NRXN3: variants seen among roughly 807,000 people sequenced by gnomAD.
NRXN3 encodes the protein neurexin 3, also known as neurexin III.
In NRXN3, 32 loss-of-function variants were observed where a neutral mutation model predicts 137.6. The ratio of observed to expected loss-of-function variants is 0.23; its 90% CI spans 0.18 to 0.31. The LOEUF (loss-of-function observed/expected upper bound fraction) is 0.31, where lower values mean the gene tolerates loss of function less well. NRXN3 is among the 10% of genes least tolerant of loss of function. The probability of loss-of-function intolerance (pLI) is 1.00; values close to 1 mark genes in which losing one functional copy is unlikely to be tolerated. For missense variants in NRXN3, 1,574 were observed against 2,062.5 expected (o/e 0.76, Z 4.59); for synonymous variants, 798 against 784.5 (o/e 1.02, Z -0.29).
intron 4 of NRXN3, among the ~76,000 whole-genome samples, chr14:78,324,639 G>A (rs2079825913): frequency 6.6e-6 from 1 of 152,110 alleles, no homozygotes; most frequent in African/African-American, 2.4e-5. Flanking sequence ...ATCATGTCAG[G>A]ACATTCTGAT....
intron 16 of NRXN3, among the ~76,000 whole-genome samples, chr14:79,497,893 G>A (rs144024797): frequency 1.8e-4 from 27 of 152,168 alleles, no homozygotes; most frequent in African/African-American, 6.3e-4. Flanking sequence ...AATTAACTGG[G>A]CATAGTGGTG....
rs180884106 is a variant in NRXN3, at chr14:79,080,515, A to G, written c.3262+92374A>G. Reference sequence around the variant, plus strand: ...CACACACTTTTCCCCCAGAGTGTATATAGGGGATATATACCACTTTCTCAC... The same window carrying G: ...CACACACTTTTCCCCCAGAGTGTATGTAGGGGATATATACCACTTTCTCAC... On this transcript the variant is annotated intron_variant, in intron 15 of 20. Transcript: ENST00000335750. Among the ~76,000 whole-genome samples, 563 of 152,302 alleles carry G rather than the reference A, an allele frequency of 3.7e-3. 12 individuals carry two copies. The highest frequency in any genetic ancestry group is 0.034 in the Admixed American group (516 of 15,298).
chr14:79,452,355 T>C (rs2096188549), intron 15 of NRXN3, among the ~76,000 whole-genome samples: 1 of 152,204 alleles, frequency 6.6e-6, no homozygotes, highest in South Asian at 2.1e-4. Flanking sequence ...TCTGAATACA[T>C]CCATCATAAT....
At chr14:78,454,607 C>T (rs2094637916) in intron 4 of NRXN3, among the ~76,000 whole-genome samples, 1 of 152,168 alleles carries the variant, frequency 6.6e-6, no homozygotes, top group South Asian at 2.1e-4. Flanking sequence ...GGCCTCTCTA[C>T]AGTGTCTGTC....
intron 15 of NRXN3, among the ~76,000 whole-genome samples, chr14:79,328,567 G>C (rs1417748629): frequency 6.6e-6 from 1 of 152,070 alleles, no homozygotes; most frequent in Non-Finnish European, 1.5e-5. Context: ...CTTTTTCCAT[G>C]GTTTCTCTCT....
intron 20 of NRXN3, among the ~76,000 whole-genome samples, chr14:79,850,944 T>C (rs2099390183): frequency 6.6e-6 from 1 of 152,216 alleles, no homozygotes. Flanking sequence ...AAAATACACA[T>C]ATGATTTGCA....
At chr14:78,846,923 C>T (rs1306126280) in intron 10 of NRXN3, among the ~76,000 whole-genome samples, 3 of 152,094 alleles carry the variant, frequency 2.0e-5, no homozygotes, top group Non-Finnish European at 2.9e-5. Flanking sequence ...GTCTCCAGCT[C>T]ATAGCATGTT....
At chr14:79,360,706 G>A (rs1266196033) in intron 15 of NRXN3, among the ~76,000 whole-genome samples, 2 of 152,114 alleles carry the variant, frequency 1.3e-5, no homozygotes, top group African/African-American at 4.8e-5. Context: ...ATCTGAGTAT[G>A]GCTAAATTAT....
intron 15 of NRXN3, among the ~76,000 whole-genome samples, chr14:79,181,558 A>G (rs1453628884): frequency 6.6e-6 from 1 of 151,780 alleles, no homozygotes; most frequent in Non-Finnish European, 1.5e-5. Flanking sequence ...GAGGGTTCCT[A>G]TAATCCCAGC....
chr14:78,821,239 A>G (rs1281800305), intron 10 of NRXN3, among the ~76,000 whole-genome samples: 1 of 152,180 alleles, frequency 6.6e-6, no homozygotes, highest in African/African-American at 2.4e-5. Flanking sequence ...GATGACAGAG[A>G]AATGAAATTG....
At chr14:79,231,557 C>T (rs2153276398) in intron 15 of NRXN3, among the ~76,000 whole-genome samples, 1 of 152,268 alleles carries the variant, frequency 6.6e-6, no homozygotes, top group East Asian at 1.9e-4. Context: ...GATGGCAATG[C>T]TAATTTGTTT....
chr14:79,281,969 A>T (rs569555960), intron 15 of NRXN3: 1 of 152,114 alleles, frequency 6.6e-6, no homozygotes, highest in Non-Finnish European at 1.5e-5. Flanking sequence ...TCTGTCTTTA[A>T]ATTTTATTTG....
At chr14:78,679,285 C>A (rs1602318904) in intron 6 of NRXN3, among the ~76,000 whole-genome samples, 1 of 152,274 alleles carries the variant, frequency 6.6e-6, no homozygotes, top group Middle Eastern at 3.4e-3. Flanking sequence ...CAACAATTCT[C>A]ATCACAGAAT....
At chr14:79,485,803 T>C (rs761045908) in intron 16 of NRXN3, among the ~76,000 whole-genome samples, 67 of 152,296 alleles carry the variant, frequency 4.4e-4, no homozygotes, top group South Asian at 1.0e-3. Context: ...AACGGGGCAC[T>C]GTCAACATGT....
intron 19 of NRXN3, among the ~76,000 whole-genome samples, chr14:79,740,723 T>C (rs1247441867): frequency 4.8e-5 from 1 of 20,804 alleles, no homozygotes; most frequent in Admixed American, 3.3e-4. Flanking sequence ...TATATATATA[T>C]ATATATATAT....
chr14:78,818,806 A>T (rs2098942165), intron 10 of NRXN3, among the ~76,000 whole-genome samples: 1 of 152,220 alleles, frequency 6.6e-6, no homozygotes, highest in East Asian at 1.9e-4. Context: ...TCATAGACTG[A>T]GTAATTTCTT....
chr14:79,196,628 C>G (rs886934686), intron 15 of NRXN3, among the ~76,000 whole-genome samples: 2 of 144,094 alleles, frequency 1.4e-5, no homozygotes, highest in African/African-American at 2.5e-5. Context: ...CCTTAATATG[C>G]TGTGATTGAT....
chr14:78,227,716 C>T (rs1228897886), intron 1 of NRXN3, among the ~76,000 whole-genome samples: 2 of 152,220 alleles, frequency 1.3e-5, no homozygotes, highest in African/African-American at 4.8e-5. Context: ...AAGTTCCATT[C>T]TACTTAACTT....
intron 16 of NRXN3, among the ~76,000 whole-genome samples, chr14:79,571,739 G>A (rs1338002947): frequency 3.3e-5 from 5 of 152,110 alleles, no homozygotes; most frequent in Admixed American, 3.3e-4. Flanking sequence ...TATGTGAGGG[G>A]TGTGGATAGA....
Sources: gnomAD v4.1 joint callset for allele counts (sites outside exome capture counted in the v4.1 genomes callset) on GRCh38, gnomAD v4.1.1 for gene constraint, MANE v1.5 for transcripts, NCBI Gene and HGNC (gene_info 2026-07-23, HGNC 2026-07-21) for gene names.